Variants in ACOT13 observed in about 807,000 individuals in gnomAD.
ACOT13 encodes acyl-coenzyme A thioesterase 13.
Under a neutral mutation model 11.8 loss-of-function variants are expected in ACOT13, and 10 were observed. That is an observed-to-expected ratio of 0.85 (90% CI 0.53 to 1.44). The LOEUF is 1.44. Ranked by LOEUF, ACOT13 falls within the 40% of genes most tolerant of loss-of-function variation. The pLI is 0.00. For synonymous variants in ACOT13, 53 were observed against 61.0 expected, an observed-to-expected ratio of 0.87 and a Z score of 0.61; for missense variants, 172 against 174.1, an observed-to-expected ratio of 0.99 and a Z score of 0.07.
intron 1 of ACOT13, among the ~76,000 whole-genome samples, chr6:24,686,100 C>T (rs992258935): frequency 4.6e-5 from 7 of 151,764 alleles, no homozygotes; most frequent in Non-Finnish European, 8.8e-5. Context: ...ATAAAGATCA[C>T]TTTTAAATTT....
At chr6:24,682,154 C>T (rs573189255) in intron 1 of ACOT13, among the ~76,000 whole-genome samples, 326 of 152,342 alleles carry the variant, frequency 2.1e-3, no homozygotes, top group Non-Finnish European at 3.6e-3. Flanking sequence ...TTAAGTCCGG[C>T]GGCCACGCTA....
chr6:24,684,209 A>G (rs1197314393), intron 1 of ACOT13, among the ~76,000 whole-genome samples: 2 of 152,208 alleles, frequency 1.3e-5, no homozygotes, highest in Non-Finnish European at 2.9e-5. Flanking sequence ...ACTTAGACAA[A>G]TACATTTAAT....
intron 1 of ACOT13, among the ~76,000 whole-genome samples, chr6:24,680,332 C>G (rs1257148046): frequency 7.9e-5 from 12 of 152,136 alleles, no homozygotes; most frequent in African/African-American, 2.7e-4. Flanking sequence ...TAAGTCATTT[C>G]TTTCTTAGCG....
intron 1 of ACOT13, among the ~76,000 whole-genome samples, chr6:24,684,370 A>G (rs763511844): frequency 1.2e-4 from 19 of 152,230 alleles, no homozygotes; most frequent in Non-Finnish European, 2.2e-4. Context: ...TAAGCTTTCA[A>G]CAACTTCATG....
At chr6:24,699,010 C>G (rs1778845428) in intron 2 of ACOT13, among the ~76,000 whole-genome samples, 2 of 152,270 alleles carry the variant, frequency 1.3e-5, no homozygotes, top group African/African-American at 2.4e-5. Flanking sequence ...CAGGGTCAAA[C>G]TTCCAAAATG....
At chr6:24,694,855 T>C (rs1426459881) in intron 1 of ACOT13, among the ~76,000 whole-genome samples, 4 of 152,346 alleles carry the variant, frequency 2.6e-5, no homozygotes, top group African/African-American at 7.2e-5. Context: ...ATTTTATTAG[T>C]ATGTCCTTTG....
chr6:24,697,221 C>T (rs1778810154), intron 1 of ACOT13, among the ~76,000 whole-genome samples: 1 of 152,208 alleles, frequency 6.6e-6, no homozygotes, highest in Admixed American at 6.5e-5. Context: ...TTTATACTAA[C>T]ATGGGTTTAT....
chr6:24,697,789 A>G, intron 1 of ACOT13, 94 bp from the exon 2 acceptor site: 2 of 1,004,058 alleles, frequency 2.0e-6, no homozygotes, highest in African/African-American at 1.7e-5. Flanking sequence ...AACTTTTTTC[A>G]GAAGATTCAG....
At chr6:24,691,590 A>G (rs1778719143) in intron 1 of ACOT13, among the ~76,000 whole-genome samples, 1 of 152,114 alleles carries the variant, frequency 6.6e-6, no homozygotes, top group African/African-American at 2.4e-5. Context: ...TAAGAATTCA[A>G]TTTTAAATCT....
intron 1 of ACOT13, among the ~76,000 whole-genome samples, chr6:24,686,348 T>C (rs555450516): frequency 1.2e-4 from 18 of 152,298 alleles, no homozygotes; most frequent in East Asian, 3.9e-4. Flanking sequence ...TTTGCGTTGC[T>C]ATAAAGGAAT....
At chr6:24,697,686 A>G (rs184028243) in intron 1 of ACOT13, among the ~76,000 whole-genome samples, 197 bp from the exon 2 acceptor site, 4,878 of 152,184 alleles carry the variant, frequency 0.032, 116 homozygotes, top group Non-Finnish European at 0.046. Flanking sequence ...AAAAACTACT[A>G]TTTTTTCACT....
At chr6:24,692,736 T>G (rs570982893) in intron 1 of ACOT13, among the ~76,000 whole-genome samples, 1 of 152,352 alleles carries the variant, frequency 6.6e-6, no homozygotes, top group East Asian at 1.9e-4. Context: ...ATTTGAATTT[T>G]AATCTTAATT....
chr6:24,694,423 T>C (rs1027803940), intron 1 of ACOT13, among the ~76,000 whole-genome samples: 4 of 152,210 alleles, frequency 2.6e-5, no homozygotes, highest in African/African-American at 9.6e-5. Flanking sequence ...TTTTCGACAG[T>C]TTCTCATCTG....
At chr6:24,675,069 T>C (rs969548880) in intron 1 of ACOT13, among the ~76,000 whole-genome samples, 11 of 152,180 alleles carry the variant, frequency 7.2e-5, no homozygotes, top group Admixed American at 6.5e-4. Context: ...ACTCATCCTT[T>C]TTTATGGCTG....
At chr6:24,683,513 G>A (rs1196493453) in intron 1 of ACOT13, among the ~76,000 whole-genome samples, 1 of 151,834 alleles carries the variant, frequency 6.6e-6, no homozygotes, top group Admixed American at 6.6e-5. Flanking sequence ...TCCAGCCTGG[G>A]TGGACAGAGT....
chr6:24,670,468 T>G (rs1778342671), intron 1 of ACOT13, among the ~76,000 whole-genome samples: 1 of 152,186 alleles, frequency 6.6e-6, no homozygotes, highest in Admixed American at 6.5e-5. Context: ...TGAGGCCAGT[T>G]TTCCCAAGGG....
At chr6:24,670,994 AC>A (rs1195542317) in intron 1 of ACOT13, among the ~76,000 whole-genome samples, 2 of 152,166 alleles carry the variant, frequency 1.3e-5, no homozygotes, top group Non-Finnish European at 2.9e-5. Context: ...AGGAATAGTT[AC>A]GTTTTTACAC....
In ACOT13 at chr6:24,667,189, C is replaced by T. The variant is rs533782966; in HGVS notation, c.-75C>T. ...TTCGCCCTTTGTGTCCTCCTTCTTT[C>T]ACTAACTTCTGGACTTTCCAGCTCT... is the stretch of plus-strand genomic sequence containing the variant. On this transcript the variant is annotated 5_prime_UTR_variant, in exon 1 of 3. Transcript: ENST00000230048. 7.5e-6 allele frequency: 11 copies of T among 1,464,754 alleles called. No homozygotes were observed. The South Asian group carries it at 1.2e-4, about 16-fold the overall frequency. The allele number at this position is 1,464,754 out of a possible 1,614,324, so 90.7% of individuals were successfully genotyped here. A position where few individuals can be genotyped will look rare whatever the true frequency, so the allele number is the denominator to read the frequency against.
intron 1 of ACOT13, among the ~76,000 whole-genome samples, chr6:24,689,155 G>A (rs935112589): frequency 1.3e-5 from 2 of 150,344 alleles, no homozygotes; most frequent in Admixed American, 6.6e-5. Context: ...AAAAGACTCC[G>A]TCTCAAAAAA....
Sources: allele counts gnomAD v4.1 joint callset (sites outside exome capture counted in the v4.1 genomes callset), GRCh38; gene constraint gnomAD v4.1.1; transcripts MANE v1.5; gene names NCBI Gene and HGNC (gene_info 2026-07-23, HGNC 2026-07-21).